The following ILRUN variants were observed in gnomAD, a reference collection of about 807,000 sequenced individuals.
The protein encoded by ILRUN is protein ILRUN.
Under a neutral mutation model 33.8 loss-of-function variants are expected in ILRUN, and 3 were observed. That is an observed-to-expected ratio of 0.09 (90% CI 0.04 to 0.23). ILRUN has a LOEUF of 0.23. ILRUN is among the 10% of genes least tolerant of loss of function. The pLI is 1.00. For synonymous variants in ILRUN, 124 were observed against 138.9 expected (o/e 0.89, Z 0.75); for missense variants, 210 against 375.1 (o/e 0.56, Z 3.64).
chr6:34,598,596 A>C (rs1213102062), intron 4 of ILRUN, among the ~76,000 whole-genome samples: 3 of 152,244 alleles, frequency 2.0e-5, no homozygotes, highest in African/African-American at 7.2e-5. Context: ...TGCTTCAGCC[A>C]CAAGAGTGCA....
In ILRUN at chr6:34,587,932, G is replaced by A. The variant is rs1201872; in HGVS notation, c.*2633C>T. The A allele has an allele frequency of 0.071, 28,252 of 397,234 alleles. 1,227 individuals are homozygous for A. The highest frequency in any genetic ancestry group is 0.13 in the African/African-American group (6,572 of 48,706). The allele number at this position is 397,234 out of a possible 1,614,324, so 24.6% of individuals were successfully genotyped here. On this transcript the variant is annotated 3_prime_UTR_variant, in exon 5 of 5. Coordinates refer to ENST00000374023, the MANE Select transcript of ILRUN (RefSeq NM_024294.4). ...CCTCACCTCCTGGGTGCCAGACGCAGGTGGTCCTGCCCAGAGGTGGCCTGC... is the reference window on the plus strand; with the variant it reads ...CCTCACCTCCTGGGTGCCAGACGCAAGTGGTCCTGCCCAGAGGTGGCCTGC...
chr6:34,653,986 A>G (rs959181448), intron 2 of ILRUN, among the ~76,000 whole-genome samples: 5 of 151,702 alleles, frequency 3.3e-5, no homozygotes, highest in Non-Finnish European at 7.4e-5. Context: ...AAAAAAAAAA[A>G]AAAGTGCTGG....
At chr6:34,632,275 T>C (rs1447369979) in intron 3 of ILRUN, among the ~76,000 whole-genome samples, 3 of 152,028 alleles carry the variant, frequency 2.0e-5, no homozygotes, top group Non-Finnish European at 2.9e-5. Context: ...ACCCCGTCTC[T>C]ACTCAAAATA....
In ILRUN at chr6:34,590,055, G is replaced by T. The variant is rs1761266035; in HGVS notation, c.*510C>A. On this transcript the variant is annotated 3_prime_UTR_variant, in exon 5 of 5. Transcript: ENST00000374023. ...AGATGTACTCCTGTAGCACTGATCC[G>T]CAGAGTCCTCAAACATGCCACGCCA... 1 of 156,482 alleles carries T rather than the reference G, an allele frequency of 6.4e-6. No individual in the cohort carries two copies. Among genetic ancestry groups the T allele is most frequent in the African/African-American group, 2.4e-5 (1 of 41,480 alleles). The allele number at this position is 156,482 out of a possible 1,614,324, so 9.7% of individuals were successfully genotyped here.
Position 34,696,328 on chromosome 6 carries a change from G to T in ILRUN, c.158+118C>A, listed in dbSNP as rs1270674261. On this transcript the variant is annotated intron_variant, in intron 1 of 4. Coordinates refer to ENST00000374023, the MANE Select transcript of ILRUN (RefSeq NM_024294.4). Reference sequence around the variant, plus strand: ...CCCCGACTCGTCCTCCCCGTCCCGGGAAGGGGTGGCCCTCAGTACCCGCCT... The same window carrying T: ...CCCCGACTCGTCCTCCCCGTCCCGGTAAGGGGTGGCCCTCAGTACCCGCCT... The T allele has an allele frequency of 2.8e-6, 3 of 1,086,984 alleles. No homozygotes were observed. In the African/African-American group the frequency reaches 4.8e-5, roughly 17 times the overall value. The allele number at this position is 1,086,984 out of a possible 1,614,324, so 67.3% of individuals were successfully genotyped here. A position where few individuals can be genotyped will look rare whatever the true frequency, so the allele number is the denominator to read the frequency against.
At chr6:34,623,991 C>T (rs937349340) in intron 3 of ILRUN, among the ~76,000 whole-genome samples, 2 of 152,044 alleles carry the variant, frequency 1.3e-5, no homozygotes, top group Non-Finnish European at 2.9e-5. Context: ...GTCACCACGC[C>T]CAGCTAATTT....
chr6:34,618,521 G>A (rs1266244620), intron 3 of ILRUN, among the ~76,000 whole-genome samples: 1 of 152,140 alleles, frequency 6.6e-6, no homozygotes, highest in Non-Finnish European at 1.5e-5. Context: ...AGCTTCCTCA[G>A]AATCCTTTAG....
In ILRUN at chr6:34,614,710, G is replaced by A. The variant is rs74487927; in HGVS notation, c.512-7806C>T. Among the ~76,000 whole-genome samples, 762 of 151,726 alleles carry A rather than the reference G, an allele frequency of 5.0e-3. 5 individuals are homozygous for A. Among genetic ancestry groups the A allele is most frequent in the Non-Finnish European group, 9.2e-3 (622 of 67,938 alleles). ...CTTCCAAAAAATTGTATAGGGAGAA[G>A]GAAAAACAGTAACTCTACAATAGAA... On this transcript the variant is annotated intron_variant, in intron 3 of 4. Coordinates refer to ENST00000374023, the MANE Select transcript of ILRUN (RefSeq NM_024294.4).
chr6:34,617,914 G>A (rs1254533066), intron 3 of ILRUN, among the ~76,000 whole-genome samples: 1 of 152,206 alleles, frequency 6.6e-6, no homozygotes, highest in African/African-American at 2.4e-5. Context: ...AGAAGCCTAA[G>A]AAAGGCACTG....
Position 34,607,787 on chromosome 6 carries a change from T to G in ILRUN, c.512-883A>C, listed in dbSNP as rs115474796. 4.3e-3 allele frequency among the ~76,000 whole-genome samples: 648 copies of G among 152,270 alleles called. 5 individuals carry two copies. Among genetic ancestry groups the G allele is most frequent in the African/African-American group, 0.015 (603 of 41,564 alleles). On this transcript the variant is annotated intron_variant, in intron 3 of 4. Transcript: ENST00000374023. Reference sequence around the variant, plus strand: ...TAGGCAACTGTAATACAACAGTAAGTATATGTGTATCTAAACGTATCTAAG... The same window carrying G: ...TAGGCAACTGTAATACAACAGTAAGGATATGTGTATCTAAACGTATCTAAG...
intron 3 of ILRUN, among the ~76,000 whole-genome samples, chr6:34,614,443 A>AAAAT (rs71000073): frequency 2.2e-5 from 3 of 133,584 alleles, no homozygotes; most frequent in African/African-American, 9.2e-5. Flanking sequence ...AAAAAAAAAA[A>AAAAT]ATATATATAT....
chr6:34,591,941 T>C (rs1164502841), intron 4 of ILRUN, among the ~76,000 whole-genome samples: 1 of 152,218 alleles, frequency 6.6e-6, no homozygotes, highest in Non-Finnish European at 1.5e-5. Context: ...AGGCACTTTC[T>C]ATGCTGCTTG....
intron 1 of ILRUN, among the ~76,000 whole-genome samples, chr6:34,659,618 C>CTTTTT (rs985939505): frequency 5.5e-5 from 5 of 91,468 alleles, no homozygotes; most frequent in East Asian, 3.6e-4. Flanking sequence ...ATAAGGCAGT[C>CTTTTT]TTTTTTTTTT....
intron 4 of ILRUN, among the ~76,000 whole-genome samples, chr6:34,604,602 G>C (rs1163587353): frequency 6.6e-6 from 1 of 152,164 alleles, no homozygotes; most frequent in East Asian, 1.9e-4. Flanking sequence ...GCTTAGCCCA[G>C]GGCTGGCCCA....
At chr6:34,657,361 T>G (rs1003344527) in intron 1 of ILRUN, among the ~76,000 whole-genome samples, 5 of 152,202 alleles carry the variant, frequency 3.3e-5, no homozygotes, top group African/African-American at 1.2e-4. Context: ...GATAGGACTT[T>G]AAGACCACTG....
chr6:34,609,281 G>A (rs1035489526), intron 3 of ILRUN, among the ~76,000 whole-genome samples: 1 of 152,200 alleles, frequency 6.6e-6, no homozygotes, highest in African/African-American at 2.4e-5. Flanking sequence ...TTGAGGTCAG[G>A]AGTTCGAGAC....
intron 1 of ILRUN, among the ~76,000 whole-genome samples, chr6:34,659,402 TCA>T (rs1338804452): frequency 2.0e-5 from 3 of 152,158 alleles, no homozygotes; most frequent in Non-Finnish European, 4.4e-5. Flanking sequence ...TTATTAGAAT[TCA>T]GAGCCACACC....
intron 4 of ILRUN, among the ~76,000 whole-genome samples, chr6:34,593,193 C>T (rs1046016445): frequency 6.6e-6 from 1 of 152,004 alleles, no homozygotes; most frequent in Non-Finnish European, 1.5e-5. Context: ...AACAAAGTCA[C>T]AGGTTCTGAG....
chr6:34,671,784 A>G (rs1182494332), intron 1 of ILRUN: 2 of 152,252 alleles, frequency 1.3e-5, no homozygotes, highest in Admixed American at 1.3e-4. Flanking sequence ...CAAGTGAGGC[A>G]ACTTAATTAA....
Sources: allele counts gnomAD v4.1 joint callset (sites outside exome capture counted in the v4.1 genomes callset), GRCh38; gene constraint gnomAD v4.1.1; transcripts MANE v1.5; gene names NCBI Gene and HGNC (gene_info 2026-07-23, HGNC 2026-07-21).